The following DMD variants were observed in gnomAD, a reference collection of about 807,000 sequenced individuals.
The protein encoded by DMD is mutant dystrophin.
DMD carries 63 observed loss-of-function variants against 330.1 expected under a neutral mutation model. The ratio of observed to expected loss-of-function variants is 0.19; its 90% CI spans 0.16 to 0.24. The LOEUF (loss-of-function observed/expected upper bound fraction) is 0.24. DMD is among the 10% of genes least tolerant of loss of function. The probability of loss-of-function intolerance (pLI) is 1.00; values close to 1 mark genes in which losing one functional copy is unlikely to be tolerated. For missense variants in DMD, 3,344 were observed against 2,684.1 expected (o/e 1.25, Z -5.43); for synonymous variants, 1,223 against 959.8 (o/e 1.27, Z -5.07).
chrX:31,578,729 T>C (rs1405708100), intron 55 of DMD, among the ~76,000 whole-genome samples: 1 of 112,320 alleles, frequency 8.9e-6, no homozygotes, highest in Non-Finnish European at 1.9e-5. Context: ...TATTGGTAGA[T>C]ACAACTGGTA....
At chrX:31,240,235 G>A (rs1456774489) in intron 63 of DMD, among the ~76,000 whole-genome samples, 1 of 111,399 alleles carries the variant, frequency 9.0e-6, no homozygotes, top group Non-Finnish European at 1.9e-5. Flanking sequence ...TATGTAAAAG[G>A]TAATAGCATC....
chrX:31,218,178 A>C (rs376086043), intron 64 of DMD, among the ~76,000 whole-genome samples: 7 of 110,654 alleles, frequency 6.3e-5, no homozygotes, highest in African/African-American at 2.0e-4. Context: ...ATAGAAAGGA[A>C]CAGTCATTAT....
At chrX:32,582,265 C>T (rs1468489729) in intron 13 of DMD, among the ~76,000 whole-genome samples, 1 of 111,075 alleles carries the variant, frequency 9.0e-6, no homozygotes, top group African/African-American at 3.3e-5. Flanking sequence ...CTGAATAATA[C>T]TACAGATAAT....
At chrX:32,285,837 C>T (rs2097438560) in intron 43 of DMD, among the ~76,000 whole-genome samples, 1 of 110,812 alleles carries the variant, frequency 9.0e-6, no homozygotes, top group African/African-American at 3.3e-5. Context: ...GTAGCTGGGA[C>T]TACAAGCGCA....
In DMD at chrX:32,233,598, C is replaced by T. The variant is rs866095542; in HGVS notation, c.6291-16535G>A. On this transcript the variant is annotated intron_variant, in intron 43 of 78. Coordinates refer to ENST00000357033, the MANE Select transcript of DMD (RefSeq NM_004006.3). The stretch of plus-strand genomic sequence containing the variant: ...CCACTTCCTGGTACAATTTCTTTTT[C>T]TTTTATTTATTTATTTATTTATTTA... 5.3e-5 allele frequency among the ~76,000 whole-genome samples: 5 copies of T among 93,806 alleles called. No homozygotes were observed. The Admixed American group carries it at 5.8e-4, about 11-fold the overall frequency. 81.5% of individuals were successfully genotyped at this position (93,806 alleles called of 115,157 possible).
intron 7 of DMD, among the ~76,000 whole-genome samples, chrX:32,736,638 T>G (rs1436367055): frequency 9.3e-6 from 1 of 107,036 alleles, no homozygotes; most frequent in Non-Finnish European, 1.9e-5. Flanking sequence ...AAATTGGAAA[T>G]CATCATTCTC....
intron 47 of DMD, among the ~76,000 whole-genome samples, chrX:31,899,615 C>G (rs150883552): frequency 0.01 from 1,160 of 110,877 alleles, 19 homozygotes; most frequent in African/African-American, 0.036. Context: ...GGTGGGAAGG[C>G]CTGCAAAATT....
chrX:32,799,333 T>A (rs2076382299), intron 7 of DMD, among the ~76,000 whole-genome samples: 1 of 111,640 alleles, frequency 9.0e-6, no homozygotes, highest in Non-Finnish European at 1.9e-5. Context: ...TCTCGAGTCC[T>A]AGTGTCCTTC....
At chrX:32,463,661 GC>G in intron 24 of DMD, 67 bp from the exon 25 acceptor site, 1 of 954,813 alleles carries the variant, frequency 1.0e-6, no homozygotes, top group Non-Finnish European at 1.4e-6. Flanking sequence ...ATGAAACATA[GC>G]TAGAAAATGT....
At chrX:32,548,599 A>G (rs780763209) in intron 16 of DMD, among the ~76,000 whole-genome samples, 1 of 111,989 alleles carries the variant, frequency 8.9e-6, no homozygotes, top group African/African-American at 3.2e-5. Context: ...AAACAATGCT[A>G]GACATAAACA....
intron 1 of DMD, among the ~76,000 whole-genome samples, chrX:33,248,752 A>T (rs1421823511): frequency 8.9e-6 from 1 of 112,388 alleles, no homozygotes; most frequent in Admixed American, 9.5e-5. Flanking sequence ...TCAGTAAATG[A>T]TACAGCTATA....
chrX:32,319,415 G>A (rs181847098), intron 41 of DMD, among the ~76,000 whole-genome samples: 5 of 111,544 alleles, frequency 4.5e-5, no homozygotes, highest in Non-Finnish European at 7.6e-5. Flanking sequence ...AAAAATATTT[G>A]TTGGATAAAT....
At chrX:32,190,584 ATT>A (rs56695905) in intron 44 of DMD, among the ~76,000 whole-genome samples, 1 of 89,560 alleles carries the variant, frequency 1.1e-5, no homozygotes, top group East Asian at 3.6e-4. Context: ...ATATATATAT[ATT>A]TCACCACAAG....
chrX:33,053,535 G>A (rs999030367), intron 1 of DMD, among the ~76,000 whole-genome samples: 3 of 110,183 alleles, frequency 2.7e-5, no homozygotes, highest in African/African-American at 9.9e-5. Context: ...GGCGGAGGTT[G>A]CAGTGAGCCG....
Position 31,943,515 on chromosome X carries a change from C to A in DMD, c.6615-11288G>T, listed in dbSNP as rs192607477. Among the ~76,000 whole-genome samples, 567 of 111,987 alleles carry A rather than the reference C, an allele frequency of 5.1e-3. 1 individual carries two copies. The highest frequency in any genetic ancestry group is 8.7e-3 in the Non-Finnish European group (463 of 53,168). ...TATATCTACTTACCTTAGAATCAAACATGGAAAATAGTCAAAAGACCTATG... is the reference window on the plus strand; with the variant it reads ...TATATCTACTTACCTTAGAATCAAAAATGGAAAATAGTCAAAAGACCTATG... On this transcript the variant is annotated intron_variant, in intron 45 of 78. Transcript: ENST00000357033.
chrX:32,777,143 C>T (rs771807492), intron 7 of DMD, among the ~76,000 whole-genome samples: 4 of 106,308 alleles, frequency 3.8e-5, no homozygotes, highest in South Asian at 4.4e-4. Context: ...CAATTAAAAA[C>T]GAGCACTGAT....
intron 21 of DMD, among the ~76,000 whole-genome samples, chrX:32,472,877 A>T (rs750955300): frequency 4.5e-5 from 5 of 111,451 alleles, no homozygotes; most frequent in East Asian, 2.8e-4. Context: ...CTTAATTCTT[A>T]TAATAAACCT....
chrX:31,687,261 A>T (rs1274672436), intron 52 of DMD, among the ~76,000 whole-genome samples: 1 of 109,309 alleles, frequency 9.1e-6, no homozygotes, highest in Non-Finnish European at 1.9e-5. Flanking sequence ...ATGGTGAAAG[A>T]CCCCTTCTGT....
intron 59 of DMD, among the ~76,000 whole-genome samples, chrX:31,477,390 T>C (rs2067867320): frequency 8.9e-6 from 1 of 112,023 alleles, no homozygotes; most frequent in Admixed American, 9.5e-5. Flanking sequence ...TGAGGGAATT[T>C]AACTTCTTTT....
Sources: gnomAD v4.1 joint callset for allele counts (sites outside exome capture counted in the v4.1 genomes callset) on GRCh38, gnomAD v4.1.1 for gene constraint, MANE v1.5 for transcripts, NCBI Gene and HGNC (gene_info 2026-07-23, HGNC 2026-07-21) for gene names.